The following TANGO2 variants were observed in gnomAD, a reference collection of about 807,000 sequenced individuals.
The protein encoded by TANGO2 is transport and golgi organization 2 homolog.
TANGO2 carries 26 observed loss-of-function variants against 39.1 expected under a neutral mutation model. The observed-to-expected ratio is 0.67, with a 90% CI of 0.49 to 0.92. The LOEUF (loss-of-function observed/expected upper bound fraction) is 0.92, where lower values mean the gene tolerates loss of function less well. Ranked by LOEUF, TANGO2 falls within the 40% of genes least tolerant of loss-of-function variation. The probability of loss-of-function intolerance (pLI) is 0.00; values close to 1 mark genes in which losing one functional copy is unlikely to be tolerated. For synonymous variants in TANGO2, 131 were observed against 144.5 expected (o/e 0.91, Z 0.67); for missense variants, 326 against 360.1 (o/e 0.91, Z 0.77).
chr22:20,028,046 G>A (rs1021336986), intron 1 of TANGO2, among the ~76,000 whole-genome samples: 6 of 152,106 alleles, frequency 3.9e-5, no homozygotes, highest in African/African-American at 1.2e-4. Flanking sequence ...TGATCTGCCC[G>A]CCTCAGCCTC....
chr22:20,017,806 G>C (rs150630182), upstream of TANGO2, among the ~76,000 whole-genome samples: 114 of 152,336 alleles, frequency 7.5e-4, 1 homozygote, highest in Middle Eastern at 0.01. Flanking sequence ...TGTGGTGTAG[G>C]GGGGAACCAG....
At chr22:20,038,429 G>A (rs940880988) in intron 2 of TANGO2, among the ~76,000 whole-genome samples, 4 of 152,066 alleles carry the variant, frequency 2.6e-5, no homozygotes, top group Non-Finnish European at 5.9e-5. Flanking sequence ...AACCCACCCC[G>A]AGTGCTCCCA....
chr22:20,026,327 G>A (rs894573528), intron 1 of TANGO2, among the ~76,000 whole-genome samples: 2 of 151,942 alleles, frequency 1.3e-5, no homozygotes, highest in African/African-American at 4.8e-5. Flanking sequence ...GAACCCAGCA[G>A]GTGGAGGTTG....
At position 20,061,658 on chromosome 22, in the gene TANGO2, C is replaced by T. The variant is rs1440589482; in HGVS notation, c.580C>T (p.Leu194=). Residue 194 remains leucine (L), a synonymous_variant, in exon 7 of 9, where the codon CTG becomes TTG. Coordinates refer to ENST00000327374, the MANE Select transcript of TANGO2 (RefSeq NM_152906.7). ...LPKDVLIASL[L]DVLNNEEAQL... ...CAAGGATGTGCTCATCGCCAGCCTCCTGGATGTGCTCAACAATGAAGAGGC... is the reference window on the plus strand; with the variant it reads ...CAAGGATGTGCTCATCGCCAGCCTCTTGGATGTGCTCAACAATGAAGAGGC... 6.4e-7 allele frequency: 1 copy of T among 1,555,534 alleles called. No homozygotes were observed. Among genetic ancestry groups the T allele is most frequent in the South Asian group, 1.2e-5 (1 of 84,282 alleles).
intron 1 of TANGO2, among the ~76,000 whole-genome samples, chr22:20,030,317 A>G (rs1353834416): frequency 6.7e-6 from 1 of 149,552 alleles, no homozygotes; most frequent in Non-Finnish European, 1.5e-5. Flanking sequence ...ATAGGCACGC[A>G]CCACCACACC....
chr22:20,031,415 A>G lies in TANGO2; in HGVS notation c.-39-5345A>G, dbSNP rs1265530106. On this transcript the variant is annotated intron_variant, in intron 1 of 8. Transcript: ENST00000327374. ...GTCCTGGCTCAGGAACCTCACCACC[A>G]TGCCACGTTGCCCTGCTGCGCTGTG... 4.6e-5 allele frequency among the ~76,000 whole-genome samples: 7 copies of G among 152,318 alleles called. No homozygotes were observed. The South Asian group carries it at 8.3e-4, about 18-fold the overall frequency.
At chr22:20,047,566 G>T (rs974812692) in intron 3 of TANGO2, among the ~76,000 whole-genome samples, 1 of 152,086 alleles carries the variant, frequency 6.6e-6, no homozygotes, top group Non-Finnish European at 1.5e-5. Flanking sequence ...AGGTCTGGGG[G>T]ACAAACATCC....
intron 7 of TANGO2, 69 bp from the exon 8 acceptor site, chr22:20,063,269 C>A: frequency 6.9e-7 from 1 of 1,446,998 alleles, no homozygotes; most frequent in Admixed American, 1.8e-5. Context: ...ACCAGGTGGG[C>A]TGGGGCTAGA....
chr22:20,053,016 C>T lies in TANGO2; in HGVS notation c.266-421C>T, dbSNP rs151115408. On this transcript the variant is annotated intron_variant, in intron 4 of 8. Transcript: ENST00000327374. ...CAGGAGCCCACTCCCACCTGACCCACGCAGCACTGTTTACTCCTCTCAGGG... is the reference window on the plus strand; with the variant it reads ...CAGGAGCCCACTCCCACCTGACCCATGCAGCACTGTTTACTCCTCTCAGGG... Among the ~76,000 whole-genome samples, 227 of 152,272 alleles carry T rather than the reference C, an allele frequency of 1.5e-3. 1 individual carries two copies. In the East Asian group the frequency reaches 0.017, roughly 12 times the overall value.
At chr22:20,053,849 C>T (rs1243388140) in intron 5 of TANGO2, 7 of 447,834 alleles carry the variant, frequency 1.6e-5, no homozygotes, top group East Asian at 6.3e-5. Flanking sequence ...CTCCCTCCCA[C>T]GGGCAGGCTG....
chr22:20,058,675 A>T (rs2047828230), intron 6 of TANGO2, among the ~76,000 whole-genome samples: 1 of 151,884 alleles, frequency 6.6e-6, no homozygotes, highest in South Asian at 2.1e-4. Flanking sequence ...ACTCACCAGC[A>T]TGGCTAAATG....
intron 3 of TANGO2, among the ~76,000 whole-genome samples, chr22:20,043,830 T>C (rs961121760): frequency 1.3e-5 from 2 of 152,278 alleles, no homozygotes; most frequent in Admixed American, 6.5e-5. Context: ...TGCGTGTGTG[T>C]GCCTGTGTTT....
At chr22:20,058,446 T>A (rs1257567043) in intron 6 of TANGO2, 2 of 152,064 alleles carry the variant, frequency 1.3e-5, no homozygotes, top group Non-Finnish European at 2.9e-5. Flanking sequence ...ATCGAGACCA[T>A]CCTGGCTAAC....
At chr22:20,031,802 G>C (rs1273504926) in intron 1 of TANGO2, among the ~76,000 whole-genome samples, 1 of 152,228 alleles carries the variant, frequency 6.6e-6, no homozygotes, top group Non-Finnish European at 1.5e-5. Context: ...AGTGTCCACA[G>C]CGTGGCTGGG....
chr22:20,032,281 T>G (rs1462289884), intron 1 of TANGO2, among the ~76,000 whole-genome samples: 1 of 152,276 alleles, frequency 6.6e-6, no homozygotes, highest in Non-Finnish European at 1.5e-5. Flanking sequence ...CTGGAGAGGA[T>G]GGGCGTGTGG....
intron 7 of TANGO2, among the ~76,000 whole-genome samples, chr22:20,062,673 A>G (rs1299030502): frequency 6.6e-6 from 1 of 152,176 alleles, no homozygotes; most frequent in African/African-American, 2.4e-5. Context: ...GCTAGCTACA[A>G]TGGCTGGCTT....
intron 2 of TANGO2, among the ~76,000 whole-genome samples, chr22:20,039,299 C>G (rs1308514921): frequency 6.6e-6 from 1 of 151,914 alleles, no homozygotes; most frequent in Non-Finnish European, 1.5e-5. Flanking sequence ...CAAGATAACA[C>G]AATCACTTCA....
At chr22:20,058,486 C>G (rs928443137) in intron 6 of TANGO2, 1 of 151,974 alleles carries the variant, frequency 6.6e-6, no homozygotes, top group African/African-American at 2.4e-5. Context: ...ACTAAAAATA[C>G]AAAAAATTAG....
At chr22:20,060,722 GTCT>G (rs2048241262) in intron 6 of TANGO2, among the ~76,000 whole-genome samples, 1 of 152,084 alleles carries the variant, frequency 6.6e-6, no homozygotes, top group South Asian at 2.1e-4. Flanking sequence ...GAGCCAGGCT[GTCT>G]CCCTGGGAAA....
Sources: allele counts gnomAD v4.1 joint callset (sites outside exome capture counted in the v4.1 genomes callset), GRCh38; gene constraint gnomAD v4.1.1; transcripts MANE v1.5; gene names NCBI Gene and HGNC (gene_info 2026-07-23, HGNC 2026-07-21).